Variants in SATL1 observed in about 807,000 individuals in gnomAD.
SATL1 encodes spermidine/spermine N(1)-acetyltransferase-like protein 1.
A neutral mutation model predicts 51.8 loss-of-function variants in SATL1; 47 were observed. The ratio of observed to expected loss-of-function variants is 0.91; its 90% confidence interval spans 0.72 to 1.16. The LOEUF is 1.16. SATL1 is among the 50% of genes most tolerant of loss of function. The pLI is 0.00. For synonymous variants in SATL1, 176 were observed against 182.4 expected (o/e 0.97, Z 0.28); for missense variants, 520 against 526.4 (o/e 0.99, Z 0.12).
intron 2 of SATL1, among the ~76,000 whole-genome samples, chrX:85,121,552 G>T (rs947405556): frequency 1.9e-5 from 2 of 105,210 alleles, no homozygotes; most frequent in Non-Finnish European, 3.9e-5. Context: ...GACAGAAAAT[G>T]ATTGAATGGT....
At chrX:85,120,066 C>G (rs1925471326) in intron 2 of SATL1, among the ~76,000 whole-genome samples, 1 of 111,388 alleles carries the variant, frequency 9.0e-6, no homozygotes, top group Non-Finnish European at 1.9e-5. Context: ...AATAGTCCTC[C>G]TTTTAAACTG....
rs753026356 is a variant in SATL1 at position 85,116,097 on chromosome X, A to C, written c.-312-6817T>G. ...CATGCCTCTATAAAGTGAAGTGGAGAGGTGTCTTACCACTGGGAAATGTAT... is the reference window on the plus strand; with the variant it reads ...CATGCCTCTATAAAGTGAAGTGGAGCGGTGTCTTACCACTGGGAAATGTAT... On this transcript the variant is annotated intron_variant, in intron 2 of 7. Coordinates refer to ENST00000644105, the MANE Select transcript of SATL1 (RefSeq NM_001367857.2). 80 of 111,525 alleles carry C rather than the reference A, an allele frequency of 7.2e-4. 1 individual carries two copies. The highest frequency in any genetic ancestry group is 2.5e-3 in the African/African-American group (77 of 30,684). The allele number at this position is 111,525 out of a possible 1,213,427, so 9.2% of individuals were successfully genotyped here.
At chrX:85,095,249 A>T (rs1342114253) in intron 4 of SATL1, among the ~76,000 whole-genome samples, 1 of 111,801 alleles carries the variant, frequency 8.9e-6, no homozygotes, top group African/African-American at 3.3e-5. Flanking sequence ...AACACTCAGC[A>T]CCCTCTACTC....
chrX:85,180,658 A>G (rs779818843), intron 2 of SATL1, among the ~76,000 whole-genome samples: 1 of 111,453 alleles, frequency 9.0e-6, no homozygotes, highest in South Asian at 3.7e-4. Flanking sequence ...ATTTTCATTT[A>G]TTGCAAATTT....
At chrX:85,153,110 C>T (rs1174052096) in intron 2 of SATL1, among the ~76,000 whole-genome samples, 1 of 110,851 alleles carries the variant, frequency 9.0e-6, no homozygotes, top group Non-Finnish European at 1.9e-5. Flanking sequence ...TTTATAAAAA[C>T]ACTAGAAGTT....
intron 2 of SATL1, among the ~76,000 whole-genome samples, chrX:85,151,915 T>G (rs1926450880): frequency 9.0e-6 from 1 of 110,950 alleles, no homozygotes; most frequent in Non-Finnish European, 1.9e-5. Flanking sequence ...GGCAAGGACT[T>G]CAAGTATAAA....
At chrX:85,094,023 T>TA (rs1188036154) in intron 6 of SATL1, 105 bp downstream of exon 6, 2 of 427,755 alleles carry the variant, frequency 4.7e-6, no homozygotes, top group African/African-American at 5.0e-5. Context: ...AGCAATAAGT[T>TA]ACATTAACTA....
intron 2 of SATL1, among the ~76,000 whole-genome samples, chrX:85,130,233 C>A (rs931018782): frequency 8.9e-6 from 1 of 111,756 alleles, no homozygotes; most frequent in South Asian, 3.8e-4. Context: ...GCCAGCTCCT[C>A]TTTGTACATC....
intron 2 of SATL1, among the ~76,000 whole-genome samples, chrX:85,135,947 G>C (rs1451678837): frequency 1.8e-5 from 2 of 110,118 alleles, no homozygotes; most frequent in Non-Finnish European, 3.8e-5. Context: ...TTTAATCTAG[G>C]TAAATTATAG....
At chrX:85,216,762 C>A (rs1284654344) in intron 2 of SATL1, among the ~76,000 whole-genome samples, 4 of 111,890 alleles carry the variant, frequency 3.6e-5, no homozygotes, top group African/African-American at 1.3e-4. Context: ...TGGCCAGATG[C>A]AAGTCACAGG....
Position 85,107,892 on chromosome X carries a change from T to A in SATL1, c.1077A>T (p.Ser359=). The stretch of plus-strand genomic sequence containing the variant: ...GGCTCGTGCTTGATTGTCTGGGGCC[T>A]GATTGGCTTGGGGCTCGTTGCGGTG... ...PGPPQRAPSQ[S]GPRQSSTSQA... The change falls in exon 3 of 8, where the codon TCA becomes TCT. Residue 359 remains serine, a synonymous_variant. Transcript: ENST00000644105. 8.3e-7 allele frequency: 1 copy of A among 1,211,668 alleles called. No homozygotes were observed. The highest frequency in any genetic ancestry group is 3.0e-5 in the East Asian group (1 of 33,794).
Position 85,108,013 on chromosome X carries a change from G to T in SATL1, c.956C>A (p.Pro319Gln), listed in dbSNP as rs910193892. 5 of 1,211,543 alleles carry T rather than the reference G, an allele frequency of 4.1e-6. No homozygotes were observed. The highest frequency in any genetic ancestry group is 5.6e-6 in the Non-Finnish European group (5 of 895,474). Residue 319 changes from proline to glutamine, a missense_variant, in exon 3 of 8, where the codon CCA becomes CAA. Physicochemically the swap from Pro to Gln is moderately conservative, Grantham distance 76. Coordinates refer to ENST00000644105, the MANE Select transcript of SATL1 (RefSeq NM_001367857.2). ...PDINQPGMKQ[P>Q]GTWQLGRSQP... ...GCTCCTACCTAATTGCCATGTGCCT[G>T]GTTGTTTCATGCCAGGTTGGTTTAT...
chrX:85,220,423 A>G (rs1343020954), intron 2 of SATL1, among the ~76,000 whole-genome samples: 1 of 108,470 alleles, frequency 9.2e-6, no homozygotes, highest in African/African-American at 3.3e-5. Context: ...CAGTGGGAGC[A>G]GCTAAGGGAG....
chrX:85,183,011 A>T (rs73234618), intron 2 of SATL1, among the ~76,000 whole-genome samples: 12,092 of 110,492 alleles, frequency 0.11, 569 homozygotes, highest in South Asian at 0.18. Flanking sequence ...ACTTTGCAAA[A>T]ATTTCTCCTA....
chrX:85,165,673 A>G (rs1462931810), intron 2 of SATL1, among the ~76,000 whole-genome samples: 1 of 111,558 alleles, frequency 9.0e-6, no homozygotes, highest in Admixed American at 9.6e-5. Flanking sequence ...ATTTGGGTAG[A>G]CTGTTTCAGT....
intron 2 of SATL1, among the ~76,000 whole-genome samples, chrX:85,128,434 A>T (rs1925687340): frequency 8.9e-6 from 1 of 112,346 alleles, no homozygotes; most frequent in Non-Finnish European, 1.9e-5. Flanking sequence ...TGTTGGCTGC[A>T]TAAGTGTCTT....
At chrX:85,159,825 A>C (rs946939695) in intron 2 of SATL1, among the ~76,000 whole-genome samples, 7 of 110,817 alleles carry the variant, frequency 6.3e-5, no homozygotes, top group Non-Finnish European at 9.4e-5. Context: ...GTAGCTGATA[A>C]GCATGAACCC....
At chrX:85,169,642 G>A (rs1926930044) in intron 2 of SATL1, among the ~76,000 whole-genome samples, 1 of 111,494 alleles carries the variant, frequency 9.0e-6, no homozygotes, top group Non-Finnish European at 1.9e-5. Flanking sequence ...GTGAGGTTGT[G>A]GAGAAAAAGG....
At chrX:85,152,366 G>A (rs1367447042) in intron 2 of SATL1, among the ~76,000 whole-genome samples, 1 of 111,758 alleles carries the variant, frequency 8.9e-6, no homozygotes, top group South Asian at 3.8e-4. Context: ...TACACTGTTG[G>A]TGGGATTGTA....
Sources: allele counts gnomAD v4.1 joint callset (sites outside exome capture counted in the v4.1 genomes callset), GRCh38; gene constraint gnomAD v4.1.1; transcripts MANE v1.5; gene names NCBI Gene and HGNC (gene_info 2026-07-23, HGNC 2026-07-21).